The following WDFY2 variants were observed in gnomAD, a reference collection of about 807,000 sequenced individuals.
The protein encoded by WDFY2 is WD repeat and FYVE domain containing 2, also known as WD repeat and FYVE domain-containing protein 2.
A neutral mutation model predicts 56.4 loss-of-function variants in WDFY2; 36 were observed. That is an observed-to-expected ratio of 0.64 (90% CI 0.49 to 0.84). The LOEUF (loss-of-function observed/expected upper bound fraction) is 0.84, where lower values mean the gene tolerates loss of function less well. Among genes scored for constraint, WDFY2 ranks in the 40% least tolerant of loss-of-function variants. WDFY2 has a pLI of 0.00. For synonymous variants in WDFY2, 176 were observed against 183.7 expected, an observed-to-expected ratio of 0.96 and a Z score of 0.34; for missense variants, 444 against 512.2, an observed-to-expected ratio of 0.87 and a Z score of 1.29.
intron 3 of WDFY2, among the ~76,000 whole-genome samples, chr13:51,696,818 C>T (rs1369749890): frequency 3.9e-5 from 6 of 152,036 alleles, no homozygotes; most frequent in South Asian, 2.1e-4. Flanking sequence ...AAGTCATAAA[C>T]GAAAATATTA....
intron 6 of WDFY2, among the ~76,000 whole-genome samples, chr13:51,736,487 G>A (rs1952839513): frequency 6.6e-6 from 1 of 152,198 alleles, no homozygotes; most frequent in African/African-American, 2.4e-5. Flanking sequence ...TCATGGTGCA[G>A]TGTTTTTTGT....
At chr13:51,641,962 C>A (rs1158714036) in intron 1 of WDFY2, among the ~76,000 whole-genome samples, 1 of 150,112 alleles carries the variant, frequency 6.7e-6, no homozygotes, top group Non-Finnish European at 1.5e-5. Context: ...TTGATCTGAT[C>A]TTGAGCTAAT....
intron 4 of WDFY2, among the ~76,000 whole-genome samples, chr13:51,718,783 C>G (rs1000775090): frequency 6.6e-6 from 1 of 152,120 alleles, no homozygotes. Context: ...TGCACATAAA[C>G]TGACGGTAGT....
intron 3 of WDFY2, among the ~76,000 whole-genome samples, chr13:51,703,069 C>T (rs900678207): frequency 6.6e-6 from 1 of 152,132 alleles, no homozygotes; most frequent in Admixed American, 6.5e-5. Flanking sequence ...TTTGTGTGAC[C>T]ATTATTAATT....
intron 6 of WDFY2, among the ~76,000 whole-genome samples, chr13:51,736,421 C>G (rs933508062): frequency 8.5e-5 from 13 of 152,148 alleles, no homozygotes; most frequent in Admixed American, 8.5e-4. Flanking sequence ...CTCTTCTATC[C>G]CCATAAACCA....
chr13:51,598,079 G>T (rs1380583822), intron 1 of WDFY2, among the ~76,000 whole-genome samples: 1 of 152,162 alleles, frequency 6.6e-6, no homozygotes. Context: ...CTTTGGCAGG[G>T]GCAGGTGTGG....
chr13:51,699,054 C>G (rs974239132), intron 3 of WDFY2, among the ~76,000 whole-genome samples: 3 of 152,194 alleles, frequency 2.0e-5, no homozygotes, highest in Non-Finnish European at 4.4e-5. Flanking sequence ...TTCCTGGGCT[C>G]TCTTGGCACC....
intron 7 of WDFY2, among the ~76,000 whole-genome samples, chr13:51,747,868 A>T (rs1351857655): frequency 6.6e-6 from 1 of 152,198 alleles, no homozygotes; most frequent in African/African-American, 2.4e-5. Flanking sequence ...ACAAGTCTTT[A>T]TGATTTTCTA....
chr13:51,598,443 TCTG>T (rs1357541788), intron 1 of WDFY2: 1 of 152,208 alleles, frequency 6.6e-6, no homozygotes, highest in Non-Finnish European at 1.5e-5. Flanking sequence ...TTGTTACTTT[TCTG>T]CTTACGCCAC....
intron 1 of WDFY2, among the ~76,000 whole-genome samples, chr13:51,646,318 C>T (rs1249795193): frequency 6.6e-6 from 1 of 152,248 alleles, no homozygotes; most frequent in African/African-American, 2.4e-5. Context: ...TGTGCTCCTA[C>T]GCCCTCTCCA....
chr13:51,682,153 T>G (rs1230469996), intron 3 of WDFY2, among the ~76,000 whole-genome samples: 3 of 152,104 alleles, frequency 2.0e-5, no homozygotes, highest in African/African-American at 7.2e-5. Flanking sequence ...AGAGATTCAG[T>G]AGAGTGAGTG....
chr13:51,652,507 C>G (rs895955951), intron 1 of WDFY2, among the ~76,000 whole-genome samples: 1 of 152,196 alleles, frequency 6.6e-6, no homozygotes, highest in African/African-American at 2.4e-5. Flanking sequence ...CCTCGATGGT[C>G]TTTACAATTT....
At chr13:51,714,544 C>T (rs555389845) in intron 4 of WDFY2, among the ~76,000 whole-genome samples, 71 of 152,272 alleles carry the variant, frequency 4.7e-4, no homozygotes, top group South Asian at 2.3e-3. Context: ...CCACCTGCCT[C>T]GGCCTCCCAA....
chr13:51,666,013 T>G (rs1038487659), intron 2 of WDFY2, among the ~76,000 whole-genome samples: 4 of 152,182 alleles, frequency 2.6e-5, no homozygotes, highest in African/African-American at 9.7e-5. Flanking sequence ...GAAGTGTGGT[T>G]GGGCCGCTCA....
intron 10 of WDFY2, among the ~76,000 whole-genome samples, chr13:51,757,833 C>CT (rs5803569): frequency 4.2e-4 from 60 of 142,474 alleles, no homozygotes; most frequent in South Asian, 1.3e-3. Flanking sequence ...TATCTTGGTC[C>CT]TTTTTTTTTT....
intron 11 of WDFY2, among the ~76,000 whole-genome samples, chr13:51,758,552 TAAAAAAAAA>T (rs35383381): frequency 2.3e-5 from 3 of 127,722 alleles, no homozygotes; most frequent in African/African-American, 8.7e-5. Context: ...CCTCATCTCT[TAAAAAAAAA>T]AAAAAAAAAA....
intron 1 of WDFY2, among the ~76,000 whole-genome samples, chr13:51,618,672 C>T (rs1323728405): frequency 6.6e-6 from 1 of 152,218 alleles, no homozygotes; most frequent in Non-Finnish European, 1.5e-5. Flanking sequence ...CTTCCTGTCA[C>T]TCATGACACC....
At chr13:51,728,192 A>T (rs1952646317) in intron 6 of WDFY2, among the ~76,000 whole-genome samples, 1 of 152,152 alleles carries the variant, frequency 6.6e-6, no homozygotes. Flanking sequence ...TACAAGAAAG[A>T]TTCCCACTTC....
At chr13:51,709,030 G>A (rs1952150059) in intron 4 of WDFY2, among the ~76,000 whole-genome samples, 1 of 151,992 alleles carries the variant, frequency 6.6e-6, no homozygotes, top group South Asian at 2.1e-4. Context: ...ACTTTAGGGA[G>A]AAATAGATAC....
Sources: allele counts gnomAD v4.1 joint callset (sites outside exome capture counted in the v4.1 genomes callset), GRCh38; gene constraint gnomAD v4.1.1; transcripts MANE v1.5; gene names NCBI Gene and HGNC (gene_info 2026-07-23, HGNC 2026-07-21).